The following GPBP1 variants were observed in gnomAD, a reference collection of about 807,000 sequenced individuals.
The protein encoded by GPBP1 is vasculin.
In GPBP1, 13 loss-of-function variants were observed where a neutral mutation model predicts 56.5. That is an observed-to-expected ratio of 0.23 (90% CI 0.15 to 0.37). The LOEUF (loss-of-function observed/expected upper bound fraction) is 0.37. Ranked by LOEUF, GPBP1 falls within the 10% of genes least tolerant of loss-of-function variation. The pLI is 1.00. For synonymous variants in GPBP1, 204 were observed against 188.9 expected, an observed-to-expected ratio of 1.08 and a Z score of -0.66; for missense variants, 477 against 572.3, an observed-to-expected ratio of 0.83 and a Z score of 1.70.
chr5:57,201,076 G>A (rs977869092), intron 2 of GPBP1, among the ~76,000 whole-genome samples: 21 of 152,060 alleles, frequency 1.4e-4, no homozygotes, highest in Admixed American at 5.2e-4. Context: ...TGCCCTCCTC[G>A]GCCTCCCAGA....
chr5:57,205,812 A>G (rs998611756), intron 2 of GPBP1, among the ~76,000 whole-genome samples: 3 of 152,108 alleles, frequency 2.0e-5, no homozygotes, highest in African/African-American at 2.4e-5. Context: ...TACTCAGGCT[A>G]TAGTGCACTG....
intron 6 of GPBP1, chr5:57,236,939 A>G (rs1561363107): frequency 1.7e-6 from 1 of 585,072 alleles, no homozygotes; most frequent in Non-Finnish European, 3.0e-6. Flanking sequence ...TTCCTGTGCT[A>G]TATTGTATGT....
intron 3 of GPBP1, among the ~76,000 whole-genome samples, chr5:57,215,504 A>G (rs1755663677): frequency 6.6e-6 from 1 of 152,234 alleles, no homozygotes; most frequent in Admixed American, 6.5e-5. Flanking sequence ...AATTTGATCC[A>G]TGCTCTGATC....
At chr5:57,186,129 G>A (rs1480037494) in intron 2 of GPBP1, among the ~76,000 whole-genome samples, 1 of 151,736 alleles carries the variant, frequency 6.6e-6, no homozygotes, top group Non-Finnish European at 1.5e-5. Context: ...ATGCCTGGTG[G>A]CTCATGCCTT....
At chr5:57,198,921 A>G (rs189325925) in intron 2 of GPBP1, among the ~76,000 whole-genome samples, 117 of 152,314 alleles carry the variant, frequency 7.7e-4, no homozygotes, top group African/African-American at 2.7e-3. Flanking sequence ...TGCAGTTGCA[A>G]TAATTTTATG....
intron 10 of GPBP1, among the ~76,000 whole-genome samples, chr5:57,256,357 T>G (rs1033211520): frequency 6.6e-6 from 1 of 152,162 alleles, no homozygotes; most frequent in African/African-American, 2.4e-5. Context: ...ATAGTATCAG[T>G]GATGACCTAC....
At chr5:57,237,459 G>A (rs1258039807) in intron 6 of GPBP1, 1 of 334,666 alleles carries the variant, frequency 3.0e-6, no homozygotes, top group Non-Finnish European at 5.6e-6. Flanking sequence ...GAAGATTTTG[G>A]TTCTACTGTT....
intron 6 of GPBP1, among the ~76,000 whole-genome samples, chr5:57,236,406 C>G (rs527863175): frequency 1.3e-5 from 2 of 152,112 alleles, no homozygotes; most frequent in African/African-American, 2.4e-5. Context: ...GGAAATACTT[C>G]TGATCATAGT....
At position 57,262,649 on chromosome 5, in the gene GPBP1, A is replaced by G. The variant is rs1411588401; in HGVS notation, c.1319A>G (p.Asp440Gly). The G allele has an allele frequency of 1.2e-6, 2 of 1,613,636 alleles. No homozygotes were observed. The highest frequency in any genetic ancestry group is 2.7e-5 in the African/African-American group (2 of 74,912). ...ATTTTGAAAAATGGCTTGATCTGTG[A>G]CTTCAAGTTTGGACCGTGGAAGAAC... Reference protein sequence around the residue: ...NGILKNGLICDFKFGPWKNST... With the variant: ...NGILKNGLICGFKFGPWKNST... Residue 440 changes from aspartate to glycine, a missense_variant, in exon 12 of 12, where the codon GAC becomes GGC. Coordinates refer to ENST00000506184, the MANE Select transcript of GPBP1 (RefSeq NM_022913.4).
chr5:57,228,097 AC>A (rs1756275058), intron 3 of GPBP1, among the ~76,000 whole-genome samples: 1 of 152,180 alleles, frequency 6.6e-6, no homozygotes, highest in African/African-American at 2.4e-5. Flanking sequence ...AGTAACAAGT[AC>A]CCTGTTTAAT....
chr5:57,192,721 C>G (rs1374617080), intron 2 of GPBP1, among the ~76,000 whole-genome samples: 1 of 139,242 alleles, frequency 7.2e-6, no homozygotes, highest in Non-Finnish European at 1.5e-5. Flanking sequence ...CCATTGCACT[C>G]CGGTCTGGGC....
intron 2 of GPBP1, among the ~76,000 whole-genome samples, chr5:57,211,737 C>T (rs770518444): frequency 3.6e-4 from 55 of 151,976 alleles, no homozygotes; most frequent in Admixed American, 2.1e-3. Flanking sequence ...GCATGCACCA[C>T]CACGCCCGGC....
At chr5:57,261,450 T>G (rs1741889344) in intron 11 of GPBP1, among the ~76,000 whole-genome samples, 168 bp downstream of exon 11, 1 of 151,964 alleles carries the variant, frequency 6.6e-6, no homozygotes, top group Non-Finnish European at 1.5e-5. Flanking sequence ...GGTGTCCAGC[T>G]GGCCTCTAGA....
At chr5:57,218,513 A>G (rs1207158969) in intron 3 of GPBP1, among the ~76,000 whole-genome samples, 1 of 151,876 alleles carries the variant, frequency 6.6e-6, no homozygotes, top group East Asian at 1.9e-4. Context: ...TGGGTGTACT[A>G]CCCTCCCAGC....
chr5:57,175,676 G>A lies in GPBP1; in HGVS notation c.-782G>A, dbSNP rs986528087. The A allele has an allele frequency of 1.5e-5, 6 of 396,494 alleles. No individual in the cohort carries two copies. The East Asian group carries it at 2.1e-4, about 14-fold the overall frequency. 24.6% of individuals were successfully genotyped at this position (396,494 alleles called of 1,614,324 possible). ...TTTCTTCAGTATTTTGGTTCAAACG[G>A]ATTATATAACTGGTTACAGTATTTC... On this transcript the variant is annotated 5_prime_UTR_variant, in exon 2 of 12. Transcript: ENST00000506184.
At chr5:57,239,224 A>G (rs1297473583) in intron 6 of GPBP1, among the ~76,000 whole-genome samples, 1 of 152,212 alleles carries the variant, frequency 6.6e-6, no homozygotes, top group African/African-American at 2.4e-5. Flanking sequence ...GAAAATTAAT[A>G]GGATTTGAGT....
At chr5:57,196,287 A>T (rs951859351) in intron 2 of GPBP1, among the ~76,000 whole-genome samples, 31 of 152,222 alleles carry the variant, frequency 2.0e-4, no homozygotes, top group Admixed American at 9.8e-4. Flanking sequence ...TACAGGTATA[A>T]GCCACCATGC....
At chr5:57,191,148 C>G (rs1162100097) in intron 2 of GPBP1, among the ~76,000 whole-genome samples, 1 of 151,776 alleles carries the variant, frequency 6.6e-6, no homozygotes, top group Non-Finnish European at 1.5e-5. Context: ...TGCAGTGGCA[C>G]AACCTTGGCT....
chr5:57,246,995 G>C (rs777628703), intron 7 of GPBP1, 80 bp from the exon 8 acceptor site: 12 of 1,321,296 alleles, frequency 9.1e-6, no homozygotes, highest in Middle Eastern at 3.9e-4. Flanking sequence ...AGTCATTTTT[G>C]TTTTATAATA....
Sources: allele counts gnomAD v4.1 joint callset (sites outside exome capture counted in the v4.1 genomes callset), GRCh38; gene constraint gnomAD v4.1.1; transcripts MANE v1.5; gene names NCBI Gene and HGNC (gene_info 2026-07-23, HGNC 2026-07-21).